Variants in RGS6 observed in about 807,000 individuals in gnomAD.
The protein encoded by RGS6 is regulator of G-protein signaling 6.
Under a neutral mutation model 78.5 loss-of-function variants are expected in RGS6, and 30 were observed. That is an observed-to-expected ratio of 0.38 (90% CI 0.29 to 0.52). The LOEUF (loss-of-function observed/expected upper bound fraction) is 0.52, where lower values mean the gene tolerates loss of function less well. RGS6 is among the 20% of genes least tolerant of loss of function. The probability of loss-of-function intolerance (pLI) is 0.85; values close to 1 mark genes in which losing one functional copy is unlikely to be tolerated. For missense variants in RGS6, 495 were observed against 609.7 expected (o/e 0.81, Z 1.98); for synonymous variants, 206 against 206.0 (o/e 1.00, Z 0.00).
At chr14:72,459,881 T>C (rs2095734040) in intron 6 of RGS6, among the ~76,000 whole-genome samples, 198 bp downstream of exon 6, 1 of 152,168 alleles carries the variant, frequency 6.6e-6, no homozygotes, top group African/African-American at 2.4e-5. Flanking sequence ...TACTGAAAGA[T>C]GTAGTCCTTG....
At chr14:72,412,939 G>A (rs1430613174) in intron 3 of RGS6, among the ~76,000 whole-genome samples, 1 of 152,080 alleles carries the variant, frequency 6.6e-6, no homozygotes, top group African/African-American at 2.4e-5. Flanking sequence ...GAGACAGTTT[G>A]TTATAATTTC....
At chr14:72,194,750 G>A (rs180795283) in intron 2 of RGS6, among the ~76,000 whole-genome samples, 1,589 of 152,326 alleles carry the variant, frequency 0.01, 19 homozygotes, top group Middle Eastern at 0.044. Context: ...ATTTGTTATG[G>A]TAAAAAGAAA....
At chr14:72,475,830 G>GCACACACACACACACACACACGCACACA (rs1555424340) in intron 10 of RGS6, among the ~76,000 whole-genome samples, 2 of 145,606 alleles carry the variant, frequency 1.4e-5, no homozygotes, top group Non-Finnish European at 3.0e-5. Context: ...AAAAATACAC[G>GCACACACACACACACACACACGCACACA]CACACACACA....
chr14:72,434,268 T>G (rs186559906), intron 3 of RGS6, among the ~76,000 whole-genome samples: 46 of 152,298 alleles, frequency 3.0e-4, no homozygotes, highest in Middle Eastern at 3.4e-3. Context: ...CACCAGGAAT[T>G]TGAGGCTACG....
intron 2 of RGS6, among the ~76,000 whole-genome samples, chr14:72,341,162 G>C (rs1202262984): frequency 6.8e-6 from 1 of 146,900 alleles, no homozygotes; most frequent in African/African-American, 2.6e-5. Flanking sequence ...CGTACAGGAA[G>C]CATGGCTGGG....
chr14:72,597,436 C>G, the RGS6 span, among the ~76,000 whole-genome samples: 1 of 152,216 alleles, frequency 6.6e-6, no homozygotes, highest in Admixed American at 6.5e-5. Context: ...CCTGGAAACC[C>G]CCAGGAGCCA....
intron 2 of RGS6, among the ~76,000 whole-genome samples, chr14:72,313,458 TTCTC>T (rs1297586222): frequency 6.6e-6 from 1 of 152,222 alleles, no homozygotes; most frequent in Non-Finnish European, 1.5e-5. Flanking sequence ...TTCTTCCTCT[TTCTC>T]TCTTCTTCTC....
At chr14:72,264,496 G>A (rs699369) in intron 2 of RGS6, among the ~76,000 whole-genome samples, 62,407 of 151,988 alleles carry the variant, frequency 0.41, 13,311 homozygotes, top group East Asian at 0.59. Context: ...TTATTTTCCG[G>A]GAGAGGAAAG....
chr14:72,193,401 C>T (rs1378405688), intron 2 of RGS6, among the ~76,000 whole-genome samples: 1 of 152,208 alleles, frequency 6.6e-6, no homozygotes, highest in Non-Finnish European at 1.5e-5. Context: ...ATCCCTTCCC[C>T]ATAGTCAGTG....
chr14:71,918,106 G>C, the RGS6 span, among the ~76,000 whole-genome samples: 1 of 148,204 alleles, frequency 6.7e-6, no homozygotes, highest in Non-Finnish European at 1.5e-5. Flanking sequence ...GCGTGAACCC[G>C]GGGGGCGGAG....
At chr14:71,915,458 C>A in the RGS6 span, among the ~76,000 whole-genome samples, 2 of 152,012 alleles carry the variant, frequency 1.3e-5, no homozygotes, top group African/African-American at 2.4e-5. Context: ...CTGTGAGTTC[C>A]CTGGGTGGAT....
intron 3 of RGS6, among the ~76,000 whole-genome samples, chr14:72,358,952 G>T (rs2152775917): frequency 6.6e-6 from 1 of 152,306 alleles, no homozygotes; most frequent in South Asian, 2.1e-4. Context: ...GGAGGTAATT[G>T]AATCATGGGT....
chr14:72,240,534 G>A lies in RGS6; in HGVS notation c.85-111561G>A, dbSNP rs114741074. On this transcript the variant is annotated intron_variant, in intron 2 of 17. Coordinates refer to ENST00000553525, the MANE Select transcript of RGS6 (RefSeq NM_001204424.2). ...GTAACTGTTGCTGTTAATTAAGTTTGTAGCCCCATTATTAATTCTTGGCTC... is the reference window on the plus strand; with the variant it reads ...GTAACTGTTGCTGTTAATTAAGTTTATAGCCCCATTATTAATTCTTGGCTC... Among the ~76,000 whole-genome samples, 466 of 152,252 alleles carry A rather than the reference G, an allele frequency of 3.1e-3. 1 individual carries two copies. The highest frequency in any genetic ancestry group is 0.011 in the African/African-American group (450 of 41,538).
chr14:72,320,616 C>A (rs1272874343), intron 2 of RGS6, among the ~76,000 whole-genome samples: 1 of 151,006 alleles, frequency 6.6e-6, no homozygotes, highest in Non-Finnish European at 1.5e-5. Flanking sequence ...AAATAAAAAA[C>A]TATTAAAGAC....
At chr14:72,152,551 T>G (rs1199277590) in intron 2 of RGS6, among the ~76,000 whole-genome samples, 1 of 152,164 alleles carries the variant, frequency 6.6e-6, no homozygotes, top group African/African-American at 2.4e-5. Flanking sequence ...TGACATACAG[T>G]TGTTTTGTAA....
At chr14:72,012,877 A>T (rs182686064) in intron 2 of RGS6, among the ~76,000 whole-genome samples, 16 of 152,354 alleles carry the variant, frequency 1.1e-4, no homozygotes, top group Non-Finnish European at 1.6e-4. Context: ...AGCAAACAAT[A>T]AACAAATAAT....
intron 2 of RGS6, among the ~76,000 whole-genome samples, chr14:72,293,623 T>G (rs1360706644): frequency 6.6e-6 from 1 of 152,208 alleles, no homozygotes; most frequent in African/African-American, 2.4e-5. Context: ...GCATTGCATT[T>G]TATTTAAAAG....
chr14:72,050,456 G>C (rs761750613), intron 2 of RGS6, among the ~76,000 whole-genome samples: 58 of 152,152 alleles, frequency 3.8e-4, no homozygotes, highest in Non-Finnish European at 7.5e-4. Context: ...TAAAATGTAA[G>C]GGGGGGATTG....
At chr14:71,875,487 G>T in the RGS6 span, among the ~76,000 whole-genome samples, 3 of 152,196 alleles carry the variant, frequency 2.0e-5, no homozygotes, top group African/African-American at 7.2e-5. Flanking sequence ...GATCGGTGAT[G>T]ATATCCCCTT....
Sources: allele counts gnomAD v4.1 joint callset (sites outside exome capture counted in the v4.1 genomes callset), GRCh38; gene constraint gnomAD v4.1.1; transcripts MANE v1.5; gene names NCBI Gene and HGNC (gene_info 2026-07-23, HGNC 2026-07-21).